The following RADIL variants were observed in gnomAD, a reference collection of about 807,000 sequenced individuals.
RADIL encodes the protein ras-associating and dilute domain-containing protein.
In RADIL, 99 loss-of-function variants were observed where a neutral mutation model predicts 97.6. The ratio of observed to expected loss-of-function variants is 1.01; its 90% CI spans 0.86 to 1.20. RADIL has a LOEUF of 1.20. RADIL is among the 50% of genes most tolerant of loss of function. RADIL has a pLI of 0.00. For synonymous variants in RADIL, 803 were observed against 691.8 expected (o/e 1.16, Z -2.52); for missense variants, 1,765 against 1,498.9 (o/e 1.18, Z -2.93).
chr7:4,807,540 T>TCC (rs1431262901), intron 9 of RADIL, among the ~76,000 whole-genome samples: 3 of 79,344 alleles, frequency 3.8e-5, no homozygotes, highest in Non-Finnish European at 7.1e-5. Context: ...CCCTCCTCTC[T>TCC]CCCTCTGTCT....
At chr7:4,882,740 C>T (rs1427568806) in intron 1 of RADIL, among the ~76,000 whole-genome samples, 1 of 152,230 alleles carries the variant, frequency 6.6e-6, no homozygotes, top group South Asian at 2.1e-4. Flanking sequence ...AGATTTAATT[C>T]TGACCTGCTA....
Position 4,817,308 on chromosome 7 carries a change from C to G in RADIL, c.1659G>C (p.Glu553Asp), listed in dbSNP as rs1471464174. Reference protein sequence around the residue: ...SLFSCTLTASEEAMAVLEEVV... With the variant: ...SLFSCTLTASDEAMAVLEEVV... ...CCTCCTCCAGCACCGCCATGGCCTC[C>G]TCGCTGGCCGTCAGCGTGCAGGAGA... The change falls in exon 7 of 15, where the codon GAG (glutamate) becomes GAC (aspartate). Residue 553 changes from glutamate (E) to aspartate (D), a missense_variant. Glu to Asp is a conservative substitution (Grantham distance 45). Coordinates refer to ENST00000399583, the MANE Select transcript of RADIL (RefSeq NM_018059.5). The surrounding 1 kb of genome is among the most constrained non-coding windows in gnomAD (Gnocchi z 8.3). 5.6e-6 allele frequency: 9 copies of G among 1,612,526 alleles called. No individual in the cohort carries two copies. Among genetic ancestry groups the G allele is most frequent in the African/African-American group, 1.3e-5 (1 of 74,924 alleles).
Position 4,822,412 on chromosome 7 carries a change from C to T in RADIL, c.1597G>A (p.Glu533Lys). 1 of 1,612,004 alleles carries T rather than the reference C, an allele frequency of 6.2e-7. No homozygotes were observed. The highest frequency in any genetic ancestry group is 8.5e-7 in the Non-Finnish European group (1 of 1,179,640). Reference sequence around the variant, plus strand: ...GCCGTACCTGTGATGTCCAGCTGCTCCTCCATGCTCTGCATGTAGAGTGGG... The same window carrying T: ...GCCGTACCTGTGATGTCCAGCTGCTTCTCCATGCTCTGCATGTAGAGTGGG... ...KCPLYMQSME[E>K]QLDITGSKES... Residue 533 changes from glutamate to lysine, a missense_variant, in exon 6 of 15, where the codon GAG becomes AAG. Glu to Lys is a moderately conservative substitution (Grantham distance 56, BLOSUM62 1). Coordinates refer to ENST00000399583, the MANE Select transcript of RADIL (RefSeq NM_018059.5). This position sits in a 1 kb window ranked among gnomAD's most constrained non-coding sequence, Gnocchi z 5.3.
At chr7:4,806,194 G>C (rs1039883754) in intron 9 of RADIL, among the ~76,000 whole-genome samples, 1 of 152,242 alleles carries the variant, frequency 6.6e-6, no homozygotes, top group Non-Finnish European at 1.5e-5. Flanking sequence ...CTGTCACGCA[G>C]GTTGGGGTGC....
In RADIL at chr7:4,873,363, CACAG is replaced by C. The variant is rs1454005373; in HGVS notation, c.535+4238_535+4241del. Among the ~76,000 whole-genome samples the C allele has an allele frequency of 2.0e-5, 3 of 152,204 alleles. No homozygotes were observed. Among genetic ancestry groups the C allele is most frequent in the South Asian group, 2.1e-4 (1 of 4,836 alleles). On this transcript the variant is annotated intron_variant, in intron 2 of 14. Coordinates refer to ENST00000399583, the MANE Select transcript of RADIL (RefSeq NM_018059.5). This position sits in a 1 kb window ranked among gnomAD's most constrained non-coding sequence, Gnocchi z 4.3. ...CATGCATGCACACACATGCACACCACACAGACACACACACATGGTCACACGTGCA... is the reference window on the plus strand; with the variant it reads ...CATGCATGCACACACATGCACACCACACACACACACATGGTCACACGTGCA...
chr7:4,808,143 CCCCGTCCTTCTCTCTCT>C (rs1782405836), intron 9 of RADIL, among the ~76,000 whole-genome samples: 2 of 134,804 alleles, frequency 1.5e-5, no homozygotes, highest in South Asian at 2.6e-4. Flanking sequence ...TTCCTCTCTC[CCCCGTCCTTCTCTCTCT>C]CCCCTCTCTC....
At chr7:4,809,104 G>T (rs1222132894) in intron 9 of RADIL, 1 of 984,232 alleles carries the variant, frequency 1.0e-6, no homozygotes, top group Non-Finnish European at 1.2e-6. Context: ...TGCTCAGGAT[G>T]CGGGGCGCAG....
At position 4,834,525 on chromosome 7, in the gene RADIL, G is replaced by C. The variant is rs1236682877; in HGVS notation, c.1416+82C>G. On this transcript the variant is annotated intron_variant, in intron 4 of 14. Coordinates refer to ENST00000399583, the MANE Select transcript of RADIL (RefSeq NM_018059.5). This position sits in a 1 kb window ranked among gnomAD's most constrained non-coding sequence, Gnocchi z 6.0. ...GTGGGGGTCAGATAGAGGCGCTCCC[G>C]CCTCCCAGCCGGGGCCAGCTCCGGG... The C allele has an allele frequency of 7.9e-7, 1 of 1,259,420 alleles. No individual in the cohort carries two copies. Among genetic ancestry groups the C allele is most frequent in the Non-Finnish European group, 1.0e-6 (1 of 1,001,960 alleles). 78.0% of individuals were successfully genotyped at this position (1,259,420 alleles called of 1,614,324 possible). A position where few individuals can be genotyped will look rare whatever the true frequency, so the allele number is the denominator to read the frequency against.
intron 2 of RADIL, among the ~76,000 whole-genome samples, chr7:4,871,588 C>A (rs1048518284): frequency 5.3e-5 from 8 of 152,232 alleles, no homozygotes; most frequent in African/African-American, 1.9e-4. Flanking sequence ...GGCAGCCCAC[C>A]ACGCCGCCAG....
At chr7:4,802,378 C>T (rs1293528182) in intron 11 of RADIL, among the ~76,000 whole-genome samples, 1 of 144,276 alleles carries the variant, frequency 6.9e-6, no homozygotes, top group African/African-American at 2.7e-5. Flanking sequence ...GGGGCCCCCT[C>T]CCCGGGTACC....
In RADIL at chr7:4,822,711, G is replaced by C. The variant is rs1013577624; in HGVS notation, c.1455-157C>G. Among the ~76,000 whole-genome samples the C allele has an allele frequency of 1.3e-5, 2 of 152,146 alleles. No individual in the cohort carries two copies. The highest frequency in any genetic ancestry group is 6.5e-5 in the Admixed American group (1 of 15,274). On this transcript the variant is annotated intron_variant, in intron 5 of 14. Transcript: ENST00000399583. This position sits in a 1 kb window ranked among gnomAD's most constrained non-coding sequence, Gnocchi z 5.3. ...GCTGGGCGGGGACGTTTAACAATAC[G>C]TGTACCCGCCTGGCACCTGCCTACA...
intron 2 of RADIL, among the ~76,000 whole-genome samples, chr7:4,855,568 G>C (rs1057159122): frequency 7.3e-6 from 1 of 137,824 alleles, no homozygotes; most frequent in Non-Finnish European, 1.5e-5. Flanking sequence ...TCGAGTTTCC[G>C]TTGCTCCTCA....
intron 11 of RADIL, among the ~76,000 whole-genome samples, chr7:4,802,607 T>C (rs1359349748): frequency 3.1e-3 from 214 of 70,096 alleles, no homozygotes; most frequent in Admixed American, 4.3e-3. Flanking sequence ...CCTCCCCGGG[T>C]ACCTCGGGGC....
At chr7:4,853,742 C>CAAAAAAAAAA (rs34610093) in intron 2 of RADIL, among the ~76,000 whole-genome samples, 2 of 101,040 alleles carry the variant, frequency 2.0e-5, no homozygotes, top group African/African-American at 3.6e-5. Flanking sequence ...AACTCTGTCT[C>CAAAAAAAAAA]AAAAAAAAAA....
intron 11 of RADIL, 98 bp from the exon 12 acceptor site, chr7:4,802,093 G>A (rs770951912): frequency 1.1e-4 from 118 of 1,052,390 alleles, no homozygotes; most frequent in Middle Eastern, 6.1e-4. Flanking sequence ...CCGCCAGGCC[G>A]CGGGGCAGAG....
chr7:4,805,219 C>T (rs924345403), intron 10 of RADIL: 7 of 304,744 alleles, frequency 2.3e-5, no homozygotes, highest in African/African-American at 6.3e-5. Flanking sequence ...TGCGTCCCCA[C>T]GGCTGTGTAC....
intron 10 of RADIL, chr7:4,805,216 C>G (rs1782261290): frequency 2.3e-5 from 7 of 301,584 alleles, no homozygotes; most frequent in Non-Finnish European, 4.3e-5. Context: ...GGATGCGTCC[C>G]CACGGCTGTG....
chr7:4,825,371 A>C (rs911305881), intron 5 of RADIL, among the ~76,000 whole-genome samples: 3 of 152,210 alleles, frequency 2.0e-5, no homozygotes, highest in Admixed American at 6.5e-5. Flanking sequence ...CACAAGGAGC[A>C]CAGAGACCAG....
At chr7:4,833,522 CA>C (rs1783206288) in intron 4 of RADIL, among the ~76,000 whole-genome samples, 1 of 152,244 alleles carries the variant, frequency 6.6e-6, no homozygotes, top group Admixed American at 6.5e-5. Context: ...CAGATTACAA[CA>C]CCCACGGTGC....
Sources: gnomAD v4.1 joint callset for allele counts (sites outside exome capture counted in the v4.1 genomes callset) on GRCh38, gnomAD v4.1.1 for gene constraint, Gnocchi (gnomAD v3.1) non-coding constraint, MANE v1.5 for transcripts, NCBI Gene and HGNC (gene_info 2026-07-23, HGNC 2026-07-21) for gene names.